Variants in DNAH7 observed in about 807,000 individuals in gnomAD.
DNAH7 encodes axonemal beta dynein heavy chain 7.
Under a neutral mutation model 444.6 loss-of-function variants are expected in DNAH7, and 397 were observed. The ratio of observed to expected loss-of-function variants is 0.89; its 90% CI spans 0.82 to 0.97. The LOEUF is 0.97. DNAH7 is among the 50% of genes least tolerant of loss of function. DNAH7 has a pLI of 0.00. For synonymous variants in DNAH7, 1,636 were observed against 1,624.4 expected (o/e 1.01, Z -0.17); for missense variants, 4,902 against 4,800.8 (o/e 1.02, Z -0.62).
chr2:195,960,908 C>G lies in DNAH7; in HGVS notation c.2243G>C (p.Trp748Ser). 6.2e-7 allele frequency: 1 copy of G among 1,607,138 alleles called. No individual in the cohort carries two copies. The highest frequency in any genetic ancestry group is 8.5e-7 in the Non-Finnish European group (1 of 1,175,432). Residue 748 changes from tryptophan (W) to serine (S), a missense_variant, in exon 18 of 65, where the codon TGG becomes TCG. By Grantham distance (177) the Trp-to-Ser change is radical (BLOSUM62 -3). Coordinates refer to ENST00000312428, the MANE Select transcript of DNAH7 (RefSeq NM_018897.3). ...ACGTTGAGGATATACAGATGGTAGC[C>G]AACCAAATGCTTCCTCTTCAGCATT... Reference protein sequence around the residue: ...QFNAEEEAFGWLPSVYPQRKK... With the variant: ...QFNAEEEAFGSLPSVYPQRKK...
intron 12 of DNAH7, among the ~76,000 whole-genome samples, chr2:195,993,429 AC>A (rs1693481349): frequency 6.6e-6 from 1 of 152,056 alleles, no homozygotes; most frequent in African/African-American, 2.4e-5. Context: ...TAAAAAAAAT[AC>A]AAAAAGTCTA....
intron 19 of DNAH7, among the ~76,000 whole-genome samples, chr2:195,939,982 A>C (rs1689312895): frequency 6.6e-6 from 1 of 152,192 alleles, no homozygotes; most frequent in Non-Finnish European, 1.5e-5. Flanking sequence ...TATTCCCCTC[A>C]AGCTACCACT....
chr2:195,818,248 T>C (rs1042200429), intron 49 of DNAH7, among the ~76,000 whole-genome samples: 2 of 152,240 alleles, frequency 1.3e-5, no homozygotes, highest in African/African-American at 4.8e-5. Flanking sequence ...TTAAGGATTC[T>C]AGTGGTGTCA....
intron 63 of DNAH7, among the ~76,000 whole-genome samples, chr2:195,750,008 A>G (rs1360621067): frequency 6.6e-6 from 1 of 151,848 alleles, no homozygotes; most frequent in Non-Finnish European, 1.5e-5. Flanking sequence ...TAAAATAAAG[A>G]AATAAAATAA....
chr2:195,939,809 C>T (rs1028005472), intron 19 of DNAH7, among the ~76,000 whole-genome samples: 1 of 151,962 alleles, frequency 6.6e-6, no homozygotes, highest in African/African-American at 2.4e-5. Context: ...AGAGCTTTCT[C>T]ATTTCTGCTA....
At chr2:196,036,278 T>C (rs951835187) in intron 5 of DNAH7, among the ~76,000 whole-genome samples, 3 of 151,976 alleles carry the variant, frequency 2.0e-5, no homozygotes, top group Non-Finnish European at 4.4e-5. Flanking sequence ...AGGTGATCTG[T>C]CCACCTCAGC....
intron 10 of DNAH7, among the ~76,000 whole-genome samples, chr2:196,008,189 A>G (rs571479543): frequency 6.6e-6 from 1 of 152,110 alleles, no homozygotes; most frequent in African/African-American, 2.4e-5. Flanking sequence ...AAGATAGTCA[A>G]CATCATTGGT....
chr2:196,068,669 C>T (rs1188656082), intron 1 of DNAH7, 28 bp downstream of exon 1: 3 of 1,550,072 alleles, frequency 1.9e-6, no homozygotes, highest in African/African-American at 1.4e-5. Flanking sequence ...GCGGCGGCGG[C>T]GAGCCTGGCA....
intron 47 of DNAH7, among the ~76,000 whole-genome samples, chr2:195,842,809 G>T (rs937566748): frequency 4.6e-5 from 7 of 152,002 alleles, no homozygotes; most frequent in African/African-American, 1.7e-4. Context: ...TATTATTTTT[G>T]AAATATGACT....
chr2:196,061,214 G>A (rs534775439), intron 1 of DNAH7, among the ~76,000 whole-genome samples: 1 of 151,890 alleles, frequency 6.6e-6, no homozygotes, highest in African/African-American at 2.4e-5. Context: ...CTCATTTTCT[G>A]ATCTTCGTGT....
intron 36 of DNAH7, among the ~76,000 whole-genome samples, chr2:195,879,591 C>T (rs1185620691): frequency 6.6e-6 from 1 of 152,106 alleles, no homozygotes; most frequent in East Asian, 1.9e-4. Flanking sequence ...AATACTACCG[C>T]AGATAAAATT....
intron 57 of DNAH7, among the ~76,000 whole-genome samples, chr2:195,789,951 G>C (rs575146917): frequency 6.6e-6 from 1 of 152,154 alleles, no homozygotes; most frequent in South Asian, 2.1e-4. Context: ...AAGACTCTTA[G>C]AACTGATAAA....
At position 195,824,438 on chromosome 2, in the gene DNAH7, T is replaced by G; in HGVS notation, c.9108A>C (p.Leu3036=). Residue 3036 remains leucine, a synonymous_variant, in exon 49 of 65, where the codon CTA becomes CTC. Transcript: ENST00000312428. ...NCIQFGTPVL[L]ENVGEELDPI... ...GATCTAGTTCTTCGCCAACATTTTC[T>G]AGCAACACTGGAGTAAAATCAGAAA... 1 of 1,603,460 alleles carries G rather than the reference T, an allele frequency of 6.2e-7. No homozygotes were observed. The highest frequency in any genetic ancestry group is 1.3e-5 in the African/African-American group (1 of 74,818).
intron 17 of DNAH7, among the ~76,000 whole-genome samples, chr2:195,969,296 A>T (rs1559286298): frequency 6.6e-6 from 1 of 152,260 alleles, no homozygotes; most frequent in Non-Finnish European, 1.5e-5. Flanking sequence ...TGATTATTAT[A>T]AAACAATTAC....
At chr2:195,936,847 T>G in intron 19 of DNAH7, 55 bp from the exon 20 acceptor site, 1 of 1,200,474 alleles carries the variant, frequency 8.3e-7, no homozygotes, top group South Asian at 2.0e-5. Context: ...CTAACTCTAT[T>G]TATATTCATA....
chr2:196,042,874 T>C (rs1696856163), intron 5 of DNAH7, among the ~76,000 whole-genome samples: 1 of 152,118 alleles, frequency 6.6e-6, no homozygotes, highest in South Asian at 2.1e-4. Context: ...AAATGTATGT[T>C]CACAAGAAGA....
chr2:195,745,485 G>C (rs1693340862), intron 63 of DNAH7, among the ~76,000 whole-genome samples: 2 of 152,100 alleles, frequency 1.3e-5, no homozygotes, highest in African/African-American at 4.8e-5. Flanking sequence ...CCAACATTCA[G>C]ATTCAGGAAA....
intron 5 of DNAH7, among the ~76,000 whole-genome samples, chr2:196,034,780 T>G (rs1696279471): frequency 6.6e-6 from 1 of 152,180 alleles, no homozygotes; most frequent in Non-Finnish European, 1.5e-5. Flanking sequence ...GTTGAAACAT[T>G]TGAACATTTA....
intron 61 of DNAH7, among the ~76,000 whole-genome samples, chr2:195,768,715 T>C (rs1489527943): frequency 4.6e-5 from 7 of 152,186 alleles, no homozygotes; most frequent in Non-Finnish European, 1.0e-4. Context: ...TTTGCTGGAA[T>C]CCTGGGTAAA....
Sources: gnomAD v4.1 joint callset for allele counts (sites outside exome capture counted in the v4.1 genomes callset) on GRCh38, gnomAD v4.1.1 for gene constraint, MANE v1.5 for transcripts, NCBI Gene and HGNC (gene_info 2026-07-23, HGNC 2026-07-21) for gene names.